The following CERS3 variants were observed in gnomAD, a reference collection of about 807,000 sequenced individuals.
The protein encoded by CERS3 is ceramide synthase 3.
In CERS3, 33 loss-of-function variants were observed where a neutral mutation model predicts 50.3. The ratio of observed to expected loss-of-function variants is 0.66; its 90% CI spans 0.50 to 0.88. CERS3 has a LOEUF of 0.88. CERS3 is among the 40% of genes least tolerant of loss of function. CERS3 has a pLI of 0.00. For missense variants in CERS3, 470 were observed against 460.3 expected, an observed-to-expected ratio of 1.02 and a Z score of -0.19; for synonymous variants, 176 against 155.2, an observed-to-expected ratio of 1.13 and a Z score of -0.99.
At chr15:100,496,875 A>G (rs2035830286) in intron 3 of CERS3, among the ~76,000 whole-genome samples, 1 of 152,164 alleles carries the variant, frequency 6.6e-6, no homozygotes, top group South Asian at 2.1e-4. Flanking sequence ...GTTGAATAAA[A>G]ACTCTCCTAA....
In CERS3 at chr15:100,401,135, G is replaced by C. The variant is rs1205265044; in HGVS notation, c.*1578C>G. ...CAGGGGCCCTGCAGCTGCTCTGCTTGGGGCTGATTTTCCAGTCCCTACAAG... is the reference window on the plus strand; with the variant it reads ...CAGGGGCCCTGCAGCTGCTCTGCTTCGGGCTGATTTTCCAGTCCCTACAAG... On this transcript the variant is annotated 3_prime_UTR_variant, in exon 12 of 12. Transcript: ENST00000679737. 1 of 152,158 alleles carries C rather than the reference G, an allele frequency of 6.6e-6. No homozygotes were observed. Among genetic ancestry groups the C allele is most frequent in the Non-Finnish European group, 1.5e-5 (1 of 68,058 alleles). 9.4% of individuals were successfully genotyped at this position (152,158 alleles called of 1,614,324 possible).
intron 11 of CERS3, among the ~76,000 whole-genome samples, chr15:100,450,216 C>A (rs1193847051): frequency 6.6e-6 from 1 of 151,700 alleles, no homozygotes; most frequent in Non-Finnish European, 1.5e-5. Flanking sequence ...GTCAGGAGAC[C>A]AAAACCATTC....
chr15:100,457,113 A>T (rs1208652456), intron 10 of CERS3, among the ~76,000 whole-genome samples: 2 of 152,192 alleles, frequency 1.3e-5, no homozygotes, highest in Non-Finnish European at 2.9e-5. Context: ...AATTGTCCAT[A>T]ACACCATCAC....
rs142390190 is a variant in CERS3, at chr15:100,439,161, T to C, written c.999+16732A>G. On this transcript the variant is annotated intron_variant, in intron 11 of 11. Coordinates refer to ENST00000679737, the MANE Select transcript of CERS3 (RefSeq NM_001378789.1). ...CATATAAGCTAGAGTTTTGAAATTA[T>C]AGTGATATTTTTATTTTAAGGCATT... Among the ~76,000 whole-genome samples the C allele has an allele frequency of 6.0e-4, 92 of 152,328 alleles. 1 individual carries two copies. The East Asian group carries it at 6.9e-3, about 12-fold the overall frequency.
At chr15:100,453,899 C>T (rs966775192) in intron 11 of CERS3, among the ~76,000 whole-genome samples, 1 of 152,056 alleles carries the variant, frequency 6.6e-6, no homozygotes, top group Non-Finnish European at 1.5e-5. Context: ...ACAATAACTA[C>T]AAAAATACCT....
intron 9 of CERS3, among the ~76,000 whole-genome samples, chr15:100,470,260 T>C (rs1258865078): frequency 6.6e-6 from 1 of 152,080 alleles, no homozygotes; most frequent in East Asian, 1.9e-4. Flanking sequence ...GGAACGTGGC[T>C]TAGACTTGGT....
intron 10 of CERS3, among the ~76,000 whole-genome samples, chr15:100,457,813 T>G (rs1476722158): frequency 6.6e-6 from 1 of 152,242 alleles, no homozygotes; most frequent in African/African-American, 2.4e-5. Context: ...GTTCTATACC[T>G]TTGTTGGTAC....
At chr15:100,466,771 T>C (rs1382293305) in intron 10 of CERS3, among the ~76,000 whole-genome samples, 73 of 26,638 alleles carry the variant, frequency 2.7e-3, no homozygotes, top group African/African-American at 4.8e-3. Flanking sequence ...CTTCCTTCCT[T>C]CCTTCCTTCC....
intron 4 of CERS3, among the ~76,000 whole-genome samples, chr15:100,488,460 A>G (rs538707229): frequency 5.3e-5 from 8 of 152,142 alleles, no homozygotes; most frequent in Non-Finnish European, 8.8e-5. Context: ...TTGTCTTATT[A>G]CCTCAGCCAT....
rs980638721 is a variant in CERS3, at chr15:100,452,115, T to C, written c.999+3778A>G. 2.0e-5 allele frequency among the ~76,000 whole-genome samples: 3 copies of C among 150,540 alleles called. No individual in the cohort carries two copies. The South Asian group carries it at 6.2e-4, about 31-fold the overall frequency. ...AACATTGGATTTAAACTGCACTTTA[T>C]GCCAAATGGACCTAACAGACTTTTA... is the stretch of plus-strand genomic sequence containing the variant. On this transcript the variant is annotated intron_variant, in intron 11 of 11. Coordinates refer to ENST00000679737, the MANE Select transcript of CERS3 (RefSeq NM_001378789.1).
At chr15:100,405,381 G>A (rs1050686276) in intron 11 of CERS3, among the ~76,000 whole-genome samples, 5 of 152,038 alleles carry the variant, frequency 3.3e-5, no homozygotes, top group Non-Finnish European at 7.4e-5. Context: ...AATGCAAATG[G>A]AAACCATGAT....
chr15:100,508,680 G>A (rs7174243), intron 2 of CERS3, among the ~76,000 whole-genome samples: 15,954 of 152,124 alleles, frequency 0.1, 936 homozygotes, highest in Middle Eastern at 0.15. Context: ...CCCATCTTTA[G>A]TCATTTGACC....
intron 3 of CERS3, among the ~76,000 whole-genome samples, chr15:100,491,693 G>A (rs552189144): frequency 1.3e-5 from 2 of 152,158 alleles, no homozygotes; most frequent in African/African-American, 4.8e-5. Flanking sequence ...AAATATAGGT[G>A]TTTGCAGCTG....
intron 1 of CERS3, among the ~76,000 whole-genome samples, chr15:100,526,369 C>T (rs902376459): frequency 2.0e-5 from 3 of 152,118 alleles, no homozygotes; most frequent in Non-Finnish European, 4.4e-5. Flanking sequence ...GCTCTGTGAG[C>T]GGAGGGAGCT....
chr15:100,423,100 T>TAA (rs139391682), intron 11 of CERS3, among the ~76,000 whole-genome samples: 16 of 148,536 alleles, frequency 1.1e-4, no homozygotes, highest in African/African-American at 3.5e-4. Context: ...AAAAAAATGT[T>TAA]AAAAAAAAAA....
intron 10 of CERS3, among the ~76,000 whole-genome samples, chr15:100,464,322 C>T (rs1056839960): frequency 2.6e-5 from 4 of 152,216 alleles, no homozygotes; most frequent in Non-Finnish European, 5.9e-5. Context: ...ACACAAAGAT[C>T]TCTCTACTGC....
At chr15:100,459,180 C>T (rs2034471651) in intron 10 of CERS3, among the ~76,000 whole-genome samples, 2 of 152,338 alleles carry the variant, frequency 1.3e-5, no homozygotes, top group South Asian at 4.1e-4. Flanking sequence ...TATATAATGG[C>T]TTCACAGAAA....
chr15:100,461,500 GAAC>G (rs544562532), intron 10 of CERS3, among the ~76,000 whole-genome samples: 160 of 152,302 alleles, frequency 1.1e-3, no homozygotes, highest in African/African-American at 3.4e-3. Context: ...TGTAAAATGA[GAAC>G]ACCACCCAGG....
chr15:100,540,456 A>G (rs181582361), intron 1 of CERS3, among the ~76,000 whole-genome samples: 270 of 152,302 alleles, frequency 1.8e-3, no homozygotes, highest in East Asian at 0.013. Context: ...AGGAAGGAGA[A>G]TTGCTTGAAC....
Sources: gnomAD v4.1 joint callset for allele counts (sites outside exome capture counted in the v4.1 genomes callset) on GRCh38, gnomAD v4.1.1 for gene constraint, MANE v1.5 for transcripts, NCBI Gene and HGNC (gene_info 2026-07-23, HGNC 2026-07-21) for gene names.